Variants in YPEL2 observed in about 807,000 individuals in gnomAD.
The protein encoded by YPEL2 is protein yippee-like 2.
In YPEL2, 2 loss-of-function variants were observed where a neutral mutation model predicts 19.1. That is an observed-to-expected ratio of 0.10 (90% CI 0.04 to 0.33). YPEL2 has a LOEUF of 0.33. Among genes scored for constraint, YPEL2 ranks in the 10% least tolerant of loss-of-function variants. The pLI, the probability that YPEL2 is intolerant of heterozygous loss-of-function variation, is 1.00. For missense variants in YPEL2, 66 were observed against 140.7 expected (o/e 0.47, Z 2.68); for synonymous variants, 52 against 50.0 (o/e 1.04, Z -0.17).
chr17:59,335,723 A>G (rs998732129), intron 1 of YPEL2, among the ~76,000 whole-genome samples: 26 of 151,960 alleles, frequency 1.7e-4, no homozygotes, highest in Admixed American at 4.6e-4. Context: ...TAATTTTTGC[A>G]TTTTTAGTGG....
At chr17:59,370,103 C>G (rs1183982203) in intron 2 of YPEL2, among the ~76,000 whole-genome samples, 1 of 152,216 alleles carries the variant, frequency 6.6e-6, no homozygotes, top group African/African-American at 2.4e-5. Context: ...GTCGCCTGGG[C>G]TGGAGTGCAG....
At chr17:59,387,715 T>C (rs2047987934) in intron 2 of YPEL2, among the ~76,000 whole-genome samples, 1 of 152,252 alleles carries the variant, frequency 6.6e-6, no homozygotes. Flanking sequence ...CATGAGCATT[T>C]CTGTGATGCA....
chr17:59,340,679 T>C (rs1305122673), intron 1 of YPEL2, among the ~76,000 whole-genome samples: 1 of 151,722 alleles, frequency 6.6e-6, no homozygotes, highest in Admixed American at 6.6e-5. Flanking sequence ...CCTTTCAAAG[T>C]GCTGGGATTA....
At chr17:59,347,444 C>T (rs1317991603) in intron 1 of YPEL2, among the ~76,000 whole-genome samples, 2 of 152,160 alleles carry the variant, frequency 1.3e-5, no homozygotes, top group Non-Finnish European at 2.9e-5. Context: ...TCTTTTTAAC[C>T]ACTGCTCTGT....
chr17:59,355,771 C>T (rs1035748607), intron 2 of YPEL2: 14 of 152,308 alleles, frequency 9.2e-5, no homozygotes, highest in Middle Eastern at 3.4e-3. Flanking sequence ...ACTTTGTTGG[C>T]CTCATGTCCT....
intron 4 of YPEL2, among the ~76,000 whole-genome samples, chr17:59,394,663 G>A (rs368124447): frequency 6.6e-6 from 1 of 150,576 alleles, no homozygotes; most frequent in Non-Finnish European, 1.5e-5. Flanking sequence ...CAGGCAGAGA[G>A]GCTCCTCACT....
intron 2 of YPEL2, among the ~76,000 whole-genome samples, chr17:59,373,207 A>G (rs2047905143): frequency 6.6e-6 from 1 of 152,164 alleles, no homozygotes; most frequent in Admixed American, 6.5e-5. Flanking sequence ...CAGGGCCACC[A>G]TTGATTTCTC....
At chr17:59,396,420 A>G (rs560754814) in intron 4 of YPEL2, among the ~76,000 whole-genome samples, 23 of 152,380 alleles carry the variant, frequency 1.5e-4, no homozygotes, top group African/African-American at 5.5e-4. Flanking sequence ...TGAGAAGTAC[A>G]GTGAAGAAAA....
At chr17:59,366,968 C>A (rs73996432) in intron 2 of YPEL2, among the ~76,000 whole-genome samples, 2 of 152,176 alleles carry the variant, frequency 1.3e-5, no homozygotes, top group Non-Finnish European at 2.9e-5. Flanking sequence ...CTCTGAGCAT[C>A]GTGGGGGCAG....
intron 2 of YPEL2, among the ~76,000 whole-genome samples, chr17:59,371,836 A>C (rs1396827292): frequency 6.6e-6 from 1 of 152,202 alleles, no homozygotes; most frequent in East Asian, 1.9e-4. Context: ...TTACCTTTCT[A>C]AAGTGATAAA....
At chr17:59,369,716 G>A (rs912617942) in intron 2 of YPEL2, among the ~76,000 whole-genome samples, 16 of 152,240 alleles carry the variant, frequency 1.1e-4, no homozygotes, top group Non-Finnish European at 2.4e-4. Context: ...GAAGATACAC[G>A]TGCTGTCCCT....
Position 59,364,612 on chromosome 17 carries a change from C to T in YPEL2, c.117+11086C>T, listed in dbSNP as rs1248434639. 1.8e-3 allele frequency among the ~76,000 whole-genome samples: 194 copies of T among 108,698 alleles called. 2 individuals carry two copies. Among genetic ancestry groups the T allele is most frequent in the Middle Eastern group, 0.017 (3 of 178 alleles). 71.3% of individuals were successfully genotyped at this position (108,698 alleles called of 152,430 possible). A position where few individuals can be genotyped will look rare whatever the true frequency, so the allele number is the denominator to read the frequency against. On this transcript the variant is annotated intron_variant, in intron 2 of 4. Transcript: ENST00000312655. ...TGTACATTAAGTAATCCCTCTGTGT[C>T]TTTTTTTTTTTTTTTTTTTTTTTGA...
chr17:59,366,403 G>C (rs1298011442), intron 2 of YPEL2, among the ~76,000 whole-genome samples: 4 of 152,176 alleles, frequency 2.6e-5, no homozygotes, highest in African/African-American at 7.2e-5. Flanking sequence ...TGGCCCCTAA[G>C]GTTATCCGGG....
At chr17:59,382,425 A>G (rs952727279) in intron 2 of YPEL2, among the ~76,000 whole-genome samples, 2 of 152,244 alleles carry the variant, frequency 1.3e-5, no homozygotes, top group African/African-American at 4.8e-5. Flanking sequence ...GGCCAGAGAA[A>G]GTGACTCTTA....
chr17:59,352,488 G>GTAA (rs748928227), intron 1 of YPEL2, among the ~76,000 whole-genome samples: 1 of 152,136 alleles, frequency 6.6e-6, no homozygotes, highest in Non-Finnish European at 1.5e-5. Flanking sequence ...AGAAATTCTG[G>GTAA]TAAAATTCAC....
At chr17:59,393,510 T>TTTA (rs1567762979) in intron 4 of YPEL2, among the ~76,000 whole-genome samples, 2 of 150,130 alleles carry the variant, frequency 1.3e-5, no homozygotes, top group African/African-American at 4.9e-5. Flanking sequence ...TATTTTTTTA[T>TTTA]TTTATTTATT....
At chr17:59,392,703 G>A (rs930649575) in intron 4 of YPEL2, among the ~76,000 whole-genome samples, 2 of 151,992 alleles carry the variant, frequency 1.3e-5, no homozygotes, top group Admixed American at 1.3e-4. Context: ...TAGTAGAGAC[G>A]GGGTTTCACC....
intron 4 of YPEL2, 30 bp downstream of exon 4, chr17:59,389,498 G>T (rs1238906947): frequency 1.3e-6 from 2 of 1,565,392 alleles, no homozygotes. Flanking sequence ...GTTGGTAGAG[G>T]GCTGGAAGGG....
Position 59,353,167 on chromosome 17 carries a change from A to G in YPEL2, c.-195-48A>G. 1 of 364,372 alleles carries G rather than the reference A, an allele frequency of 2.7e-6. No homozygotes were observed. The highest frequency in any genetic ancestry group is 5.0e-6 in the Non-Finnish European group (1 of 201,244). The allele number at this position is 364,372 out of a possible 1,614,324, so 22.6% of individuals were successfully genotyped here. A position where few individuals can be genotyped will look rare whatever the true frequency, so the allele number is the denominator to read the frequency against. On this transcript the variant is annotated intron_variant, in intron 1 of 4. Coordinates refer to ENST00000312655, the MANE Select transcript of YPEL2 (RefSeq NM_001005404.4). The surrounding 1 kb of genome is among the most constrained non-coding windows in gnomAD (Gnocchi z 4.8). ...GTTGGATTCTGCTTGCTTTGTAGGGAGCCCTGCTCCATCAGCCAATGTTAG... is the reference window on the plus strand; with the variant it reads ...GTTGGATTCTGCTTGCTTTGTAGGGGGCCCTGCTCCATCAGCCAATGTTAG...
Sources: gnomAD v4.1 joint callset for allele counts (sites outside exome capture counted in the v4.1 genomes callset) on GRCh38, gnomAD v4.1.1 for gene constraint, Gnocchi (gnomAD v3.1) non-coding constraint, MANE v1.5 for transcripts, NCBI Gene and HGNC (gene_info 2026-07-23, HGNC 2026-07-21) for gene names.